Variants in ST8SIA2 observed in about 807,000 individuals in gnomAD.
The protein encoded by ST8SIA2 is ST8 alpha-N-acetyl-neuraminide alpha-2,8-sialyltransferase 2, also known as alpha-2,8-sialyltransferase 8B.
In ST8SIA2, 22 loss-of-function variants were observed where a neutral mutation model predicts 37.6. The ratio of observed to expected loss-of-function variants is 0.58; its 90% confidence interval spans 0.42 to 0.83. The LOEUF is 0.83. ST8SIA2 is among the 40% of genes least tolerant of loss of function. The pLI, the probability that ST8SIA2 is intolerant of heterozygous loss-of-function variation, is 0.00. For missense variants in ST8SIA2, 382 were observed against 484.7 expected (o/e 0.79, Z 1.99); for synonymous variants, 205 against 201.2 (o/e 1.02, Z -0.16).
chr15:92,421,972 T>C (rs1228470511), intron 1 of ST8SIA2, among the ~76,000 whole-genome samples: 3 of 152,236 alleles, frequency 2.0e-5, no homozygotes, highest in Admixed American at 1.3e-4. Flanking sequence ...AAAAACGTGG[T>C]CTCAATTATG....
At position 92,405,107 on chromosome 15, in the gene ST8SIA2, TA is replaced by T. The variant is rs35903115; in HGVS notation, c.98+10950del. 3.1e-3 allele frequency among the ~76,000 whole-genome samples: 451 copies of T among 144,084 alleles called. 2 individuals are homozygous for T. Among genetic ancestry groups the T allele is most frequent in the African/African-American group, 0.011 (432 of 39,620 alleles). The allele number at this position is 144,084 out of a possible 152,430, so 94.5% of individuals were successfully genotyped here. A position where few individuals can be genotyped will look rare whatever the true frequency, so the allele number is the denominator to read the frequency against. ...AGACCCTGTTCTTAAAAATTTTTTT[TA>T]AAAAGGTATATCCATACAATGGAAT... On this transcript the variant is annotated intron_variant, in intron 1 of 5. Coordinates refer to ENST00000268164, the MANE Select transcript of ST8SIA2 (RefSeq NM_006011.4).
At chr15:92,411,695 G>A (rs756150856) in intron 1 of ST8SIA2, among the ~76,000 whole-genome samples, 1 of 152,156 alleles carries the variant, frequency 6.6e-6, no homozygotes, top group Non-Finnish European at 1.5e-5. Flanking sequence ...GAGGCCCTGA[G>A]ATAGGAAGTG....
intron 4 of ST8SIA2, among the ~76,000 whole-genome samples, chr15:92,439,016 A>G (rs577070410): frequency 6.6e-6 from 1 of 152,310 alleles, no homozygotes; most frequent in Non-Finnish European, 1.5e-5. Context: ...AGGAGAGTGG[A>G]GTCACTGGGC....
chr15:92,433,527 C>A (rs552449146), intron 2 of ST8SIA2, among the ~76,000 whole-genome samples: 8 of 152,192 alleles, frequency 5.3e-5, no homozygotes, highest in African/African-American at 1.9e-4. Context: ...TACCCAGAAT[C>A]GTGATCCACC....
chr15:92,408,379 G>A (rs1451061212), intron 1 of ST8SIA2, among the ~76,000 whole-genome samples: 2 of 152,160 alleles, frequency 1.3e-5, no homozygotes, highest in African/African-American at 2.4e-5. Flanking sequence ...CTGCTTGTTA[G>A]CTTGTAGCTC....
chr15:92,429,915 T>C, intron 1 of ST8SIA2, 134 bp from the exon 2 acceptor site: 1 of 956,562 alleles, frequency 1.0e-6, no homozygotes, highest in Non-Finnish European at 1.6e-6. Context: ...CTTTGCCCAT[T>C]CTGCAGAGTC....
chr15:92,425,405 A>G (rs2049668224), intron 1 of ST8SIA2, among the ~76,000 whole-genome samples: 1 of 152,168 alleles, frequency 6.6e-6, no homozygotes, highest in African/African-American at 2.4e-5. Context: ...GAAAACCCCC[A>G]CTTAACTCTT....
chr15:92,443,408 G>T (rs971130451), intron 4 of ST8SIA2, among the ~76,000 whole-genome samples: 1 of 152,176 alleles, frequency 6.6e-6, no homozygotes, highest in African/African-American at 2.4e-5. Flanking sequence ...AAATAGCAGA[G>T]GCTGCTCACC....
intron 1 of ST8SIA2, among the ~76,000 whole-genome samples, chr15:92,416,637 GC>G (rs2049589131): frequency 6.6e-6 from 1 of 152,156 alleles, no homozygotes; most frequent in African/African-American, 2.4e-5. Context: ...GAGAGAACGT[GC>G]CGTTGGACCC....
At chr15:92,456,199 G>T (rs546215976) in intron 5 of ST8SIA2, among the ~76,000 whole-genome samples, 39 of 152,362 alleles carry the variant, frequency 2.6e-4, no homozygotes, top group South Asian at 1.2e-3. Flanking sequence ...AAAACCCCCA[G>T]TGCCATACCT....
chr15:92,463,540 G>A (rs2049971109), intron 5 of ST8SIA2, among the ~76,000 whole-genome samples: 2 of 151,926 alleles, frequency 1.3e-5, no homozygotes, highest in African/African-American at 4.9e-5. Flanking sequence ...TCTTGGAAAG[G>A]CAGCAGGCAC....
chr15:92,394,013 G>GC lies in ST8SIA2; in HGVS notation c.-48dup. On this transcript the variant is annotated 5_prime_UTR_variant, in exon 1 of 6. Coordinates refer to ENST00000268164, the MANE Select transcript of ST8SIA2 (RefSeq NM_006011.4). ...CCGGCGTCCGCCGCTGCGCCCTCCG[G>GC]CCCCTGCTCCTCGCGCCGGCCCGCG... is the stretch of plus-strand genomic sequence containing the variant. The GC allele has an allele frequency of 6.9e-7, 1 of 1,440,196 alleles. No homozygotes were observed. The highest frequency in any genetic ancestry group is 9.4e-7 in the Non-Finnish European group (1 of 1,063,830). The allele number at this position is 1,440,196 out of a possible 1,614,324, so 89.2% of individuals were successfully genotyped here.
At chr15:92,420,606 G>A (rs1016096088) in intron 1 of ST8SIA2, among the ~76,000 whole-genome samples, 5 of 152,154 alleles carry the variant, frequency 3.3e-5, no homozygotes, top group African/African-American at 1.2e-4. Flanking sequence ...GAAGCAAAAA[G>A]ATAAATCCAA....
intron 1 of ST8SIA2, among the ~76,000 whole-genome samples, chr15:92,419,500 C>T (rs2049614965): frequency 6.6e-6 from 1 of 152,174 alleles, no homozygotes; most frequent in Admixed American, 6.5e-5. Flanking sequence ...ATGAGCAGGA[C>T]CCGCATCCTG....
chr15:92,399,892 G>A (rs1255696102), intron 1 of ST8SIA2, among the ~76,000 whole-genome samples: 4 of 152,176 alleles, frequency 2.6e-5, no homozygotes, highest in Non-Finnish European at 4.4e-5. Context: ...ATACTTCTTC[G>A]AGAGGGGATT....
chr15:92,401,349 T>C (rs1408336896), intron 1 of ST8SIA2, among the ~76,000 whole-genome samples: 2 of 152,222 alleles, frequency 1.3e-5, no homozygotes, highest in African/African-American at 4.8e-5. Flanking sequence ...TTAGTCACTC[T>C]CTTGGGTGGC....
intron 5 of ST8SIA2, among the ~76,000 whole-genome samples, chr15:92,460,859 A>C (rs2049952328): frequency 2.6e-5 from 4 of 152,046 alleles, no homozygotes; most frequent in African/African-American, 9.7e-5. Context: ...TTGCCATCTG[A>C]GTGTGTTGCT....
rs967120019 is a variant in ST8SIA2 at position 92,466,677 on chromosome 15, C to A, written c.*2292C>A. The A allele has an allele frequency of 6.6e-6, 1 of 152,196 alleles. No individual in the cohort carries two copies. 9.4% of individuals were successfully genotyped at this position (152,196 alleles called of 1,614,324 possible). On this transcript the variant is annotated 3_prime_UTR_variant, in exon 6 of 6. Transcript: ENST00000268164. The stretch of plus-strand genomic sequence containing the variant: ...AGCTGGAGTGCAAGGAGTCCTTCCA[C>A]CCTGCCTTCAGGTTCTCTCTGGAGA...
intron 5 of ST8SIA2, among the ~76,000 whole-genome samples, chr15:92,451,437 A>G (rs1176745619): frequency 6.6e-6 from 1 of 152,212 alleles, no homozygotes; most frequent in Admixed American, 6.5e-5. Context: ...CTCAAACACC[A>G]GCCAGCACCT....
Sources: allele counts gnomAD v4.1 joint callset (sites outside exome capture counted in the v4.1 genomes callset), GRCh38; gene constraint gnomAD v4.1.1; transcripts MANE v1.5; gene names NCBI Gene and HGNC (gene_info 2026-07-23, HGNC 2026-07-21).